Variants in FAM120A observed in about 807,000 individuals in gnomAD.
FAM120A encodes the protein family with sequence similarity 120 member A.
In FAM120A, 15 loss-of-function variants were observed where a neutral mutation model predicts 109.7. The observed-to-expected ratio is 0.14, with a 90% CI of 0.09 to 0.21. FAM120A has a LOEUF of 0.21. FAM120A is among the 10% of genes least tolerant of loss of function. FAM120A has a pLI of 1.00. For synonymous variants in FAM120A, 493 were observed against 572.8 expected (o/e 0.86, Z 1.99); for missense variants, 899 against 1,439.3 (o/e 0.62, Z 6.07).
At chr9:93,548,012 C>T (rs769074610) in intron 11 of FAM120A, among the ~76,000 whole-genome samples, 3 of 151,830 alleles carry the variant, frequency 2.0e-5, no homozygotes, top group Non-Finnish European at 2.9e-5. Context: ...GCTGTCCTGG[C>T]GAAGTTGAAT....
rs145191948 is a variant in FAM120A at position 93,557,820 on chromosome 9, C to A, written c.2485-7C>A. 1.7e-5 allele frequency: 27 copies of A among 1,612,188 alleles called. No individual in the cohort carries two copies. The African/African-American group carries it at 3.5e-4, about 21-fold the overall frequency. Reference sequence around the variant, plus strand: ...GGCATTTTCACATGCTGGTCCTTGTCTTCCAGGCTGATCAGGCTGCCAAGG... The same window carrying A: ...GGCATTTTCACATGCTGGTCCTTGTATTCCAGGCTGATCAGGCTGCCAAGG... On this transcript the variant is annotated splice_polypyrimidine_tract_variant and splice_region_variant and intron_variant, in intron 13 of 17. Coordinates refer to ENST00000277165, the MANE Select transcript of FAM120A (RefSeq NM_014612.5).
At chr9:93,551,881 A>G (rs1862112816) in intron 12 of FAM120A, among the ~76,000 whole-genome samples, 1 of 152,202 alleles carries the variant, frequency 6.6e-6, no homozygotes, top group Admixed American at 6.5e-5. Context: ...TTAGACAGAA[A>G]TTATTATTTT....
intron 11 of FAM120A, among the ~76,000 whole-genome samples, chr9:93,544,287 G>A (rs549302403): frequency 1.3e-5 from 2 of 152,296 alleles, no homozygotes; most frequent in South Asian, 4.1e-4. Flanking sequence ...CACGCTTTGT[G>A]TTTCCCTGCT....
At chr9:93,479,961 A>G (rs1221340743) in intron 3 of FAM120A, among the ~76,000 whole-genome samples, 2 of 152,228 alleles carry the variant, frequency 1.3e-5, no homozygotes, top group Non-Finnish European at 2.9e-5. Flanking sequence ...ATCATTGGGT[A>G]ATATCTGCAG....
chr9:93,466,346 G>T (rs555072062), intron 1 of FAM120A, among the ~76,000 whole-genome samples: 2 of 152,162 alleles, frequency 1.3e-5, no homozygotes, highest in East Asian at 3.9e-4. Flanking sequence ...TTCATTTGGG[G>T]TTATATCCAG....
chr9:93,489,278 G>A (rs1859208180), intron 3 of FAM120A, among the ~76,000 whole-genome samples: 1 of 152,204 alleles, frequency 6.6e-6, no homozygotes, highest in South Asian at 2.1e-4. Flanking sequence ...TTTTAACAGT[G>A]ACTACTCATA....
chr9:93,513,949 G>A (rs1351304683), intron 5 of FAM120A, among the ~76,000 whole-genome samples: 1 of 152,168 alleles, frequency 6.6e-6, no homozygotes, highest in Non-Finnish European at 1.5e-5. Context: ...CAGTGTGAGA[G>A]GTGGTGGTTC....
chr9:93,457,696 A>C (rs754449212), intron 1 of FAM120A, among the ~76,000 whole-genome samples: 4 of 152,198 alleles, frequency 2.6e-5, no homozygotes, highest in Non-Finnish European at 4.4e-5. Context: ...AAAAATGCCA[A>C]GCGAAGGAAA....
At chr9:93,554,161 A>ACACACG (rs2131553201) in intron 12 of FAM120A, among the ~76,000 whole-genome samples, 1 of 149,070 alleles carries the variant, frequency 6.7e-6, no homozygotes, top group African/African-American at 2.5e-5. Context: ...ACACACACAC[A>ACACACG]CACACACACA....
rs1251954024 is a variant in FAM120A at position 93,543,744 on chromosome 9, TTATTTAAA to T, written c.2159+278_2159+285del. ...ATATAATGATTTTAAACATGGTTTA[TTATTTAAA>T]TATTGAAGATTTTGAAGGCTATAAG... On this transcript the variant is annotated intron_variant, in intron 11 of 17. Coordinates refer to ENST00000277165, the MANE Select transcript of FAM120A (RefSeq NM_014612.5). 3.3e-5 allele frequency among the ~76,000 whole-genome samples: 5 copies of T among 152,354 alleles called. No homozygotes were observed. In the South Asian group the frequency reaches 8.3e-4, roughly 25 times the overall value.
Position 93,561,216 on chromosome 9 carries a change from C to T in FAM120A, c.2914C>T (p.Leu972=). The change falls in exon 16 of 18, where the codon CTG becomes TTG. Residue 972 remains leucine (L), a synonymous_variant. Transcript: ENST00000277165. ...RGRGGRGPFP[L]QVVSVGGPAR... ...CCGTGGGGGCCGGGGGCCTTTCCCC[C>T]TGCAGGTGGTTTCTGTCGGAGGACC... 2 of 1,613,128 alleles carry T rather than the reference C, an allele frequency of 1.2e-6. No individual in the cohort carries two copies. The highest frequency in any genetic ancestry group is 1.7e-6 in the Non-Finnish European group (2 of 1,179,742).
chr9:93,529,856 G>A (rs1383345528), intron 9 of FAM120A: 4 of 548,408 alleles, frequency 7.3e-6, no homozygotes, highest in Non-Finnish European at 1.3e-5. Flanking sequence ...ATTATTTTAT[G>A]ACTTGTAATT....
At chr9:93,559,338 A>G (rs1862398570) in intron 15 of FAM120A, among the ~76,000 whole-genome samples, 1 of 152,224 alleles carries the variant, frequency 6.6e-6, no homozygotes, top group Non-Finnish European at 1.5e-5. Flanking sequence ...CTAATCCCAC[A>G]TTTTGGGACT....
At chr9:93,503,398 A>G (rs1859890392) in intron 5 of FAM120A, among the ~76,000 whole-genome samples, 2 of 152,222 alleles carry the variant, frequency 1.3e-5, no homozygotes, top group South Asian at 4.1e-4. Flanking sequence ...AATAATCAAC[A>G]CTAAAAAGCA....
chr9:93,488,680 G>A (rs1020908991), intron 3 of FAM120A, among the ~76,000 whole-genome samples: 9 of 151,950 alleles, frequency 5.9e-5, no homozygotes, highest in African/African-American at 2.2e-4. Context: ...CCTGTATTGT[G>A]CTTGCCACCT....
At chr9:93,457,547 C>T (rs1028218780) in intron 1 of FAM120A, among the ~76,000 whole-genome samples, 1 of 152,118 alleles carries the variant, frequency 6.6e-6, no homozygotes, top group Admixed American at 6.5e-5. Flanking sequence ...AGATGGTATA[C>T]ACATGATATA....
chr9:93,542,781 A>G (rs1861751825), intron 10 of FAM120A, among the ~76,000 whole-genome samples: 1 of 152,270 alleles, frequency 6.6e-6, no homozygotes, highest in Non-Finnish European at 1.5e-5. Flanking sequence ...AATCTAATTT[A>G]TGAGGGTATT....
intron 3 of FAM120A, among the ~76,000 whole-genome samples, chr9:93,487,474 A>G (rs1447610914): frequency 6.6e-6 from 1 of 152,138 alleles, no homozygotes; most frequent in African/African-American, 2.4e-5. Flanking sequence ...CATTCTAAGG[A>G]TTTTTAATAT....
At chr9:93,523,211 C>A in intron 7 of FAM120A, 1 of 695,202 alleles carries the variant, frequency 1.4e-6, no homozygotes, top group Non-Finnish European at 2.1e-6. Context: ...TCTGGTATCC[C>A]AGGAAGTTTG....
Sources: gnomAD v4.1 joint callset for allele counts (sites outside exome capture counted in the v4.1 genomes callset) on GRCh38, gnomAD v4.1.1 for gene constraint, MANE v1.5 for transcripts, NCBI Gene and HGNC (gene_info 2026-07-23, HGNC 2026-07-21) for gene names.